DNMT1: variants seen among roughly 807,000 people sequenced by gnomAD.
The protein encoded by DNMT1 is DNA (cytosine-5)-methyltransferase 1.
DNMT1 carries 24 observed loss-of-function variants against 205.3 expected under a neutral mutation model. That is an observed-to-expected ratio of 0.12 (90% confidence interval 0.08 to 0.16). The LOEUF is 0.16. DNMT1 is among the 10% of genes least tolerant of loss of function. The probability of loss-of-function intolerance (pLI) is 1.00; values close to 1 mark genes in which losing one functional copy is unlikely to be tolerated. For missense variants in DNMT1, 1,293 were observed against 2,177.7 expected (o/e 0.59, Z 8.09); for synonymous variants, 817 against 839.8 (o/e 0.97, Z 0.47).
At position 10,156,327 on chromosome 19, in the gene DNMT1, G is replaced by A; in HGVS notation, c.1399+64C>T. 2 of 1,333,238 alleles carry A rather than the reference G, an allele frequency of 1.5e-6. No individual in the cohort carries two copies. Among genetic ancestry groups the A allele is most frequent in the Non-Finnish European group, 2.2e-6 (2 of 929,202 alleles). The allele number at this position is 1,333,238 out of a possible 1,614,324, so 82.6% of individuals were successfully genotyped here. ...CCCCCAAAGTGCTAGGATTACAGAT[G>A]TGAGCCACCCTGCCTGGCTGTTTTT... On this transcript the variant is annotated intron_variant, in intron 18 of 40. Coordinates refer to ENST00000359526, the MANE Select transcript of DNMT1 (RefSeq NM_001130823.3). This position sits in a 1 kb window ranked among gnomAD's most constrained non-coding sequence, Gnocchi z 4.2.
At chr19:10,164,186 G>A (rs1297748519) in intron 11 of DNMT1, among the ~76,000 whole-genome samples, 1 of 152,228 alleles carries the variant, frequency 6.6e-6, no homozygotes, top group Admixed American at 6.5e-5. Flanking sequence ...ATTCACTCTT[G>A]TTGCCCAGGC....
intron 7 of DNMT1, among the ~76,000 whole-genome samples, chr19:10,174,760 C>T (rs554864457): frequency 2.7e-5 from 4 of 150,844 alleles, no homozygotes; most frequent in South Asian, 2.1e-4. Context: ...TGGCTGGGCA[C>T]GGTGGCTCAC....
At chr19:10,149,709 A>G (rs1178465924) in intron 25 of DNMT1, 52 bp from the exon 26 acceptor site, 1 of 1,611,380 alleles carries the variant, frequency 6.2e-7, no homozygotes, top group Non-Finnish European at 8.5e-7. Flanking sequence ...GCCAGCAGAT[A>G]TGTGACCAAG....
intron 7 of DNMT1, 74 bp downstream of exon 7, chr19:10,175,466 G>A: frequency 1.9e-6 from 3 of 1,567,690 alleles, no homozygotes; most frequent in Admixed American, 1.7e-5. Context: ...TACTTGGACA[G>A]AACACATATG....
At position 10,137,880 on chromosome 19, in the gene DNMT1, C is replaced by T. The variant is rs1370148206; in HGVS notation, c.4245G>A (p.Gln1415=). 6.2e-7 allele frequency: 1 copy of T among 1,613,644 alleles called. No individual in the cohort carries two copies. Among genetic ancestry groups the T allele is most frequent in the Non-Finnish European group, 8.5e-7 (1 of 1,179,952 alleles). ...NGEPQSWFQR[Q]LRGAQYQPIL... The stretch of plus-strand genomic sequence containing the variant: ...TGGGCTGGTACTGTGCGCCCCGGAG[C>T]TGCCTCTGGAACCAGGACTGAGGCT... The change falls in exon 36 of 41, where the codon CAG becomes CAA. Residue 1415 remains glutamine (Q), a synonymous_variant. Coordinates refer to ENST00000359526, the MANE Select transcript of DNMT1 (RefSeq NM_001130823.3). This position sits in a 1 kb window ranked among gnomAD's most constrained non-coding sequence, Gnocchi z 6.4.
intron 14 of DNMT1, 134 bp from the exon 15 acceptor site, chr19:10,160,197 C>A: frequency 1.3e-6 from 2 of 1,550,800 alleles, no homozygotes; most frequent in Non-Finnish European, 1.8e-6. Context: ...GGCCCAGGCG[C>A]GTGGTCACAG....
intron 9 of DNMT1, among the ~76,000 whole-genome samples, chr19:10,169,180 T>C (rs909387021): frequency 6.6e-6 from 1 of 151,770 alleles, no homozygotes; most frequent in Non-Finnish European, 1.5e-5. Context: ...ATCAGGCAAG[T>C]CAAATCCAAC....
intron 8 of DNMT1, 119 bp downstream of exon 8, chr19:10,173,752 A>G: frequency 1.8e-6 from 2 of 1,127,594 alleles, no homozygotes. Context: ...TTGGCCTCCC[A>G]AAGTGCTGAG....
At chr19:10,182,414 TGTGTATATATATGTGTGTATATATATA>T (rs2039071901) in intron 1 of DNMT1, among the ~76,000 whole-genome samples, 1 of 72,934 alleles carries the variant, frequency 1.4e-5, no homozygotes, top group African/African-American at 5.1e-5. Flanking sequence ...TACATATATA[TGTGTATATATATGTGTGTATATATATA>T]CATATATATG....
chr19:10,139,882 T>G (rs2089566789), intron 33 of DNMT1, 65 bp from the exon 34 acceptor site: 1 of 1,558,384 alleles, frequency 6.4e-7, no homozygotes. Context: ...CGACCCACTG[T>G]GCCGGAAGCC....
At chr19:10,142,573 C>T (rs1447164632) in intron 29 of DNMT1, among the ~76,000 whole-genome samples, 1 of 149,958 alleles carries the variant, frequency 6.7e-6, no homozygotes, top group African/African-American at 2.5e-5. Flanking sequence ...CATTAGGGAA[C>T]TGCAAGGTAG....
At chr19:10,135,526 A>G (rs750821063) in intron 39 of DNMT1, 38 of 601,932 alleles carry the variant, frequency 6.3e-5, no homozygotes, top group Non-Finnish European at 1.1e-4. Flanking sequence ...CCTCAAAAAC[A>G]AACAGTAAGG....
chr19:10,136,106 C>T lies in DNMT1; in HGVS notation c.4656+15G>A. ...GGGCCTGACCCAGGCCCTCGGATGC[C>T]CCCTCCCCACCTACCTGCTTGCCCA... is the stretch of plus-strand genomic sequence containing the variant. On this transcript the variant is annotated intron_variant, in intron 38 of 40. Transcript: ENST00000359526. 1 of 1,613,868 alleles carries T rather than the reference C, an allele frequency of 6.2e-7. No individual in the cohort carries two copies.
intron 17 of DNMT1, among the ~76,000 whole-genome samples, chr19:10,158,293 C>G (rs2038497130): frequency 6.6e-6 from 1 of 152,188 alleles, no homozygotes; most frequent in African/African-American, 2.4e-5. Flanking sequence ...CCTCGGGGGG[C>G]TAGCGGTTGC....
chr19:10,135,676 C>A (rs535528895), intron 39 of DNMT1, 60 bp downstream of exon 39: 4 of 1,565,490 alleles, frequency 2.6e-6, no homozygotes, highest in African/African-American at 2.7e-5. Context: ...CCAGCCCCAC[C>A]TGGTGACAGG....
chr19:10,138,428 G>A lies in DNMT1; in HGVS notation c.4115+11C>T, dbSNP rs2089535616. ...TCGGCAGTGTGTGGAGGAGCGACGG[G>A]GGCCACCTACCTGGTTATGTTGCTC... On this transcript the variant is annotated intron_variant, in intron 35 of 40. Transcript: ENST00000359526. This position sits in a 1 kb window ranked among gnomAD's most constrained non-coding sequence, Gnocchi z 4.1. 6.2e-7 allele frequency: 1 copy of A among 1,613,772 alleles called. No individual in the cohort carries two copies. The highest frequency in any genetic ancestry group is 8.5e-7 in the Non-Finnish European group (1 of 1,180,050).
intron 30 of DNMT1, 155 bp downstream of exon 30, chr19:10,141,873 A>C (rs1396548063): frequency 6.0e-6 from 5 of 829,634 alleles, no homozygotes; most frequent in Non-Finnish European, 9.3e-6. Context: ...AGACCCCCGT[A>C]AAGCTCCTGC....
intron 10 of DNMT1, 87 bp from the exon 11 acceptor site, chr19:10,166,772 G>A: frequency 7.0e-7 from 1 of 1,419,724 alleles, no homozygotes; most frequent in East Asian, 2.3e-5. Flanking sequence ...GCTGACACAA[G>A]CTCCTCCCCA....
chr19:10,188,998 C>T (rs1050063945), intron 1 of DNMT1, among the ~76,000 whole-genome samples: 1 of 152,172 alleles, frequency 6.6e-6, no homozygotes, highest in Non-Finnish European at 1.5e-5. Flanking sequence ...GATTTTCATC[C>T]GGTGAAACCC....
Sources: gnomAD v4.1 joint callset for allele counts (sites outside exome capture counted in the v4.1 genomes callset) on GRCh38, gnomAD v4.1.1 for gene constraint, Gnocchi (gnomAD v3.1) non-coding constraint, MANE v1.5 for transcripts, NCBI Gene and HGNC (gene_info 2026-07-23, HGNC 2026-07-21) for gene names.